The following SYN3 variants were observed in gnomAD, a reference collection of about 807,000 sequenced individuals.
SYN3 encodes synapsin-3.
A neutral mutation model predicts 65.8 loss-of-function variants in SYN3; 35 were observed. The observed-to-expected ratio is 0.53, with a 90% CI of 0.41 to 0.70. The LOEUF (loss-of-function observed/expected upper bound fraction) is 0.70, where lower values mean the gene tolerates loss of function less well. SYN3 is among the 30% of genes least tolerant of loss of function. The pLI is 0.00. For synonymous variants in SYN3, 270 were observed against 292.9 expected (o/e 0.92, Z 0.80); for missense variants, 680 against 749.0 (o/e 0.91, Z 1.08).
chr22:32,663,913 T>C (rs1012414966), intron 6 of SYN3, among the ~76,000 whole-genome samples: 1 of 148,580 alleles, frequency 6.7e-6, no homozygotes, highest in East Asian at 2.2e-4. Flanking sequence ...GCTTTATATT[T>C]AGTATCTTTA....
At chr22:33,054,143 CCTCT>C (rs2054217201) in intron 1 of SYN3, among the ~76,000 whole-genome samples, 1 of 152,028 alleles carries the variant, frequency 6.6e-6, no homozygotes, top group Non-Finnish European at 1.5e-5. Context: ...ATTTTCTCCT[CCTCT>C]CTCTCTCACA....
At chr22:32,541,786 G>A in intron 7 of SYN3, 73 bp from the exon 8 acceptor site, 1 of 1,540,730 alleles carries the variant, frequency 6.5e-7, no homozygotes, top group South Asian at 1.2e-5. Flanking sequence ...CCAGGAACAA[G>A]TGCTCTGTCT....
chr22:32,956,012 G>A (rs1196144510), intron 3 of SYN3, among the ~76,000 whole-genome samples: 3 of 140,972 alleles, frequency 2.1e-5, no homozygotes, highest in Admixed American at 7.2e-5. Flanking sequence ...ACTTGTGATT[G>A]TGTGAGTTAA....
intron 4 of SYN3, among the ~76,000 whole-genome samples, chr22:32,925,507 T>C (rs2050444923): frequency 6.6e-6 from 1 of 152,220 alleles, no homozygotes; most frequent in Non-Finnish European, 1.5e-5. Flanking sequence ...TTCTGTAACT[T>C]TATTTTTGTA....
chr22:32,711,293 G>A (rs2060962100), intron 6 of SYN3, among the ~76,000 whole-genome samples: 1 of 152,186 alleles, frequency 6.6e-6, no homozygotes, highest in Non-Finnish European at 1.5e-5. Flanking sequence ...CTAATGACTT[G>A]GCATGGGGAG....
At chr22:32,875,004 A>G (rs1209542433) in intron 4 of SYN3, among the ~76,000 whole-genome samples, 1 of 152,230 alleles carries the variant, frequency 6.6e-6, no homozygotes, top group Admixed American at 6.5e-5. Context: ...GCAAGGATAA[A>G]GCCAAGGAAA....
intron 8 of SYN3, among the ~76,000 whole-genome samples, chr22:32,541,174 G>A (rs1447398106): frequency 6.6e-6 from 1 of 152,116 alleles, no homozygotes; most frequent in Non-Finnish European, 1.5e-5. Context: ...CCAGCCTCAT[G>A]GTCACCTTTT....
chr22:33,016,817 T>C (rs1459645100), intron 1 of SYN3, among the ~76,000 whole-genome samples: 1 of 152,246 alleles, frequency 6.6e-6, no homozygotes, highest in East Asian at 1.9e-4. Flanking sequence ...CCTTATCAGA[T>C]GTATGGTTTG....
chr22:32,645,004 G>T (rs2059963346), intron 6 of SYN3, among the ~76,000 whole-genome samples: 1 of 152,200 alleles, frequency 6.6e-6, no homozygotes, highest in Non-Finnish European at 1.5e-5. Context: ...AGGGTGGTGA[G>T]AGGTGGCAGA....
At chr22:33,055,653 C>G (rs548750187) in intron 1 of SYN3, among the ~76,000 whole-genome samples, 2 of 152,018 alleles carry the variant, frequency 1.3e-5, no homozygotes, top group Non-Finnish European at 2.9e-5. Flanking sequence ...ATGACTGTTA[C>G]GAAGGGAGAA....
chr22:32,990,313 C>CATCCATGA (rs1569384214), intron 2 of SYN3, among the ~76,000 whole-genome samples: 7 of 70,474 alleles, frequency 9.9e-5, no homozygotes, highest in South Asian at 5.1e-4. Flanking sequence ...TCCATCCATC[C>CATCCATGA]ATCCATCCAT....
chr22:32,638,339 G>A (rs905368183), intron 6 of SYN3, among the ~76,000 whole-genome samples: 1 of 152,134 alleles, frequency 6.6e-6, no homozygotes, highest in African/African-American at 2.4e-5. Context: ...TCCAGTAATG[G>A]CTGGGTTGAA....
At chr22:33,019,228 A>G (rs1295176432) in intron 1 of SYN3, among the ~76,000 whole-genome samples, 1 of 152,248 alleles carries the variant, frequency 6.6e-6, no homozygotes, top group Admixed American at 6.5e-5. Flanking sequence ...TTGGCCATGC[A>G]GGATGAAACT....
chr22:32,981,490 C>G (rs112298338), intron 2 of SYN3, among the ~76,000 whole-genome samples: 1 of 151,722 alleles, frequency 6.6e-6, no homozygotes, highest in Non-Finnish European at 1.5e-5. Context: ...GAGGCTGAGG[C>G]AGGAGAATTG....
chr22:32,838,677 T>TGTCC, intron 6 of SYN3, among the ~76,000 whole-genome samples: 1 of 152,100 alleles, frequency 6.6e-6, no homozygotes, highest in Non-Finnish European at 1.5e-5. Context: ...CATTTTTACT[T>TGTCC]GTCCCTTCCT....
intron 6 of SYN3, among the ~76,000 whole-genome samples, chr22:32,732,399 A>G (rs952135195): frequency 6.6e-6 from 1 of 152,356 alleles, no homozygotes; most frequent in East Asian, 1.9e-4. Flanking sequence ...TTGTGAAGTC[A>G]GATTCTCACC....
chr22:32,593,159 G>T (rs1402908765), intron 7 of SYN3, among the ~76,000 whole-genome samples: 2 of 152,042 alleles, frequency 1.3e-5, no homozygotes, highest in Non-Finnish European at 2.9e-5. Flanking sequence ...GACTGTTACT[G>T]CAAGTTTTCT....
chr22:32,686,512 T>C (rs1227314790), intron 6 of SYN3, among the ~76,000 whole-genome samples: 1 of 151,736 alleles, frequency 6.6e-6, no homozygotes, highest in South Asian at 2.1e-4. Context: ...AAGTCACCCA[T>C]TTGAAATGCC....
chr22:32,912,803 G>A (rs1023576794), intron 4 of SYN3, among the ~76,000 whole-genome samples: 2 of 152,092 alleles, frequency 1.3e-5, no homozygotes, highest in Non-Finnish European at 2.9e-5. Context: ...AAAACTAGAC[G>A]AAGTTTGTGA....
Sources: gnomAD v4.1 joint callset for allele counts (sites outside exome capture counted in the v4.1 genomes callset) on GRCh38, gnomAD v4.1.1 for gene constraint, MANE v1.5 for transcripts, NCBI Gene and HGNC (gene_info 2026-07-23, HGNC 2026-07-21) for gene names.